Variants in PCLO observed in about 807,000 individuals in gnomAD.
PCLO encodes the protein piccolo presynaptic cytomatrix protein.
PCLO carries 82 observed loss-of-function variants against 427.5 expected under a neutral mutation model. The ratio of observed to expected loss-of-function variants is 0.19; its 90% CI spans 0.16 to 0.23. The LOEUF is 0.23. Among genes scored for constraint, PCLO ranks in the 10% least tolerant of loss-of-function variants. The pLI, the probability that PCLO is intolerant of heterozygous loss-of-function variation, is 1.00. For missense variants in PCLO, 6,239 were observed against 6,115.9 expected (o/e 1.02, Z -0.67); for synonymous variants, 2,357 against 2,155.4 (o/e 1.09, Z -2.59).
chr7:83,124,834 C>T (rs889522876), intron 3 of PCLO, among the ~76,000 whole-genome samples: 3 of 152,118 alleles, frequency 2.0e-5, no homozygotes, highest in African/African-American at 7.2e-5. Context: ...GCTGCGATCT[C>T]GGCTCACTGC....
chr7:83,119,120 C>T (rs1203359443), intron 3 of PCLO, among the ~76,000 whole-genome samples: 1 of 152,150 alleles, frequency 6.6e-6, no homozygotes, highest in Non-Finnish European at 1.5e-5. Context: ...TGCCTACTGG[C>T]AGGATTCACT....
chr7:83,006,239 C>T (rs1583898898), intron 3 of PCLO, among the ~76,000 whole-genome samples: 3 of 151,472 alleles, frequency 2.0e-5, no homozygotes, highest in Admixed American at 6.6e-5. Flanking sequence ...AAAAGATATT[C>T]GTGAGTTAAT....
intron 22 of PCLO, among the ~76,000 whole-genome samples, chr7:82,775,882 G>A (rs951819817): frequency 6.6e-6 from 1 of 152,118 alleles, no homozygotes; most frequent in African/African-American, 2.4e-5. Context: ...TATAAAGCAT[G>A]AGTTCTGTGT....
At chr7:82,910,044 T>G (rs1207437817) in intron 7 of PCLO, among the ~76,000 whole-genome samples, 2 of 152,118 alleles carry the variant, frequency 1.3e-5, no homozygotes, top group Non-Finnish European at 2.9e-5. Flanking sequence ...TTTAATAAAT[T>G]GTTTTAGTCT....
intron 3 of PCLO, among the ~76,000 whole-genome samples, chr7:83,024,816 T>G (rs1458185181): frequency 6.6e-6 from 1 of 151,752 alleles, no homozygotes; most frequent in Non-Finnish European, 1.5e-5. Context: ...CCGAGCAGCC[T>G]AACTGGGAGG....
intron 2 of PCLO, among the ~76,000 whole-genome samples, chr7:83,147,082 G>A (rs1792014476): frequency 6.7e-6 from 1 of 150,160 alleles, no homozygotes; most frequent in South Asian, 2.1e-4. Flanking sequence ...AAAAAAAAAG[G>A]CTTTGGTTCC....
chr7:82,812,460 G>A (rs1177925713), intron 20 of PCLO, among the ~76,000 whole-genome samples: 1 of 151,444 alleles, frequency 6.6e-6, no homozygotes, highest in East Asian at 1.9e-4. Context: ...TTTTAGTTCA[G>A]AAGTGATTTT....
At chr7:82,847,841 G>C (rs577786782) in intron 10 of PCLO, among the ~76,000 whole-genome samples, 2 of 152,262 alleles carry the variant, frequency 1.3e-5, no homozygotes, top group South Asian at 4.1e-4. Context: ...AGGGGTCTGT[G>C]ACCTGTGCAC....
chr7:82,833,745 C>T (rs556350523), intron 16 of PCLO, among the ~76,000 whole-genome samples: 2 of 152,174 alleles, frequency 1.3e-5, no homozygotes, highest in South Asian at 4.1e-4. Flanking sequence ...GTATGATACA[C>T]ATTGCTAGCA....
intron 3 of PCLO, among the ~76,000 whole-genome samples, chr7:83,030,035 G>A (rs533765541): frequency 3.1e-4 from 45 of 145,886 alleles, no homozygotes; most frequent in South Asian, 2.2e-3. Context: ...TGGGTGCAGC[G>A]CACCAGCATG....
intron 22 of PCLO, among the ~76,000 whole-genome samples, chr7:82,773,895 G>C (rs538505082): frequency 6.6e-6 from 1 of 152,158 alleles, no homozygotes; most frequent in African/African-American, 2.4e-5. Flanking sequence ...GAGAGCCCAG[G>C]GTACCTATAT....
chr7:82,916,308 G>C lies in PCLO; in HGVS notation c.11678C>G (p.Pro3893Arg). The change falls in exon 7 of 25, where the codon CCT (proline) becomes CGT (arginine). Residue 3893 changes from proline to arginine, a missense_variant. Physicochemically the swap from Pro to Arg is moderately radical, Grantham distance 103 (BLOSUM62 -2). Coordinates refer to ENST00000333891, the MANE Select transcript of PCLO (RefSeq NM_033026.6). The stretch of plus-strand genomic sequence containing the variant: ...GGTGGGTGCTTGGGTAGGAAGAGCA[G>C]GGGAAGAGTACTGGTATTGTGTGTA... Reference protein sequence around the residue: ...SPYTQYQYSSPALPTQAPTSY... With the variant: ...SPYTQYQYSSRALPTQAPTSY... The C allele has an allele frequency of 6.2e-7, 1 of 1,613,654 alleles. No homozygotes were observed. Among genetic ancestry groups the C allele is most frequent in the Non-Finnish European group, 8.5e-7 (1 of 1,179,694 alleles).
At position 82,760,722 on chromosome 7, in the gene PCLO, T is replaced by A. The variant is rs1790412315; in HGVS notation, c.15205A>T (p.Thr5069Ser). The change falls in exon 24 of 25, where the codon ACA becomes TCA. Residue 5069 changes from threonine to serine, a missense_variant. Thr to Ser is a moderately conservative substitution (Grantham distance 58, BLOSUM62 1). Coordinates refer to ENST00000333891, the MANE Select transcript of PCLO (RefSeq NM_033026.6). ...STQKKVIKKK[T>S]RVCRHDREPS... ...TCTCGATCATGTCTGCATACTCTTGTTTTTTTCTTGATCACCTTTTTTTGG... is the reference window on the plus strand; with the variant it reads ...TCTCGATCATGTCTGCATACTCTTGATTTTTTCTTGATCACCTTTTTTTGG... 1 of 1,583,504 alleles carries A rather than the reference T, an allele frequency of 6.3e-7. No individual in the cohort carries two copies. The highest frequency in any genetic ancestry group is 2.2e-5 in the East Asian group (1 of 44,536).
intron 8 of PCLO, among the ~76,000 whole-genome samples, chr7:82,905,985 G>A (rs540053680): frequency 2.6e-5 from 4 of 151,398 alleles, no homozygotes; most frequent in Middle Eastern, 3.4e-3. Flanking sequence ...AATTTCTACC[G>A]AAGAAGGCAG....
chr7:82,883,271 T>C (rs1345961564), intron 9 of PCLO, among the ~76,000 whole-genome samples: 1 of 152,012 alleles, frequency 6.6e-6, no homozygotes, highest in African/African-American at 2.4e-5. Flanking sequence ...CAAAGGATAG[T>C]TCATTAAATT....
chr7:82,846,428 A>T, intron 12 of PCLO, 139 bp downstream of exon 12: 1 of 613,650 alleles, frequency 1.6e-6, no homozygotes, highest in Non-Finnish European at 2.8e-6. Flanking sequence ...ATAAATACAT[A>T]AAAAAATCTA....
chr7:82,824,571 C>G (rs374559301), intron 18 of PCLO, among the ~76,000 whole-genome samples, 155 bp from the exon 19 acceptor site: 3 of 148,882 alleles, frequency 2.0e-5, no homozygotes. Flanking sequence ...GTTTTCTTCA[C>G]CAATGATACT....
intron 8 of PCLO, among the ~76,000 whole-genome samples, chr7:82,903,554 C>T (rs1290839843): frequency 6.6e-6 from 1 of 151,732 alleles, no homozygotes; most frequent in East Asian, 1.9e-4. Context: ...AGTAAATTAG[C>T]GAATGCAAAC....
At position 82,803,160 on chromosome 7, in the gene PCLO, CTCTA is replaced by C. The variant is rs1288306984; in HGVS notation, c.14934-1573_14934-1570del. On this transcript the variant is annotated intron_variant, in intron 21 of 24. Coordinates refer to ENST00000333891, the MANE Select transcript of PCLO (RefSeq NM_033026.6). Reference sequence around the variant, plus strand: ...AGTTAAGAAAAAAAAAAGAACTCTGCTCTATCTGTTAGCATTAGAGGGGAAAAAA... The same window carrying C: ...AGTTAAGAAAAAAAAAAGAACTCTGCTCTGTTAGCATTAGAGGGGAAAAAA... Among the ~76,000 whole-genome samples the C allele has an allele frequency of 5.9e-5, 9 of 152,080 alleles. No individual in the cohort carries two copies. The East Asian group carries it at 1.5e-3, about 26-fold the overall frequency.
Sources: allele counts gnomAD v4.1 joint callset (sites outside exome capture counted in the v4.1 genomes callset), GRCh38; gene constraint gnomAD v4.1.1; transcripts MANE v1.5; gene names NCBI Gene and HGNC (gene_info 2026-07-23, HGNC 2026-07-21).